MYO1D: variants seen among roughly 807,000 people sequenced by gnomAD.
The protein encoded by MYO1D is myosin ID.
MYO1D carries 83 observed loss-of-function variants against 122.0 expected under a neutral mutation model. That is an observed-to-expected ratio of 0.68 (90% CI 0.57 to 0.82). The LOEUF (loss-of-function observed/expected upper bound fraction) is 0.82. Among genes scored for constraint, MYO1D ranks in the 40% least tolerant of loss-of-function variants. The pLI, the probability that MYO1D is intolerant of heterozygous loss-of-function variation, is 0.00. For missense variants in MYO1D, 1,157 were observed against 1,269.5 expected, an observed-to-expected ratio of 0.91 and a Z score of 1.35; for synonymous variants, 464 against 446.9, an observed-to-expected ratio of 1.04 and a Z score of -0.48.
chr17:32,820,702 T>C (rs1442303575), intron 1 of MYO1D, among the ~76,000 whole-genome samples: 1 of 152,174 alleles, frequency 6.6e-6, no homozygotes, highest in East Asian at 1.9e-4. Context: ...GTAGAAACTT[T>C]CAGTTATAGA....
intron 1 of MYO1D, among the ~76,000 whole-genome samples, chr17:32,872,057 C>A (rs1054461620): frequency 8.5e-5 from 13 of 152,104 alleles, no homozygotes; most frequent in African/African-American, 2.9e-4. Context: ...AGAGGTCTTA[C>A]GCCTGAGCAG....
chr17:32,820,243 T>A (rs148919516), intron 1 of MYO1D, among the ~76,000 whole-genome samples: 1 of 152,348 alleles, frequency 6.6e-6, no homozygotes, highest in African/African-American at 2.4e-5. Context: ...AGCTACCATA[T>A]GACCCAGCAA....
At chr17:32,548,849 G>A (rs1341426738) in intron 21 of MYO1D, among the ~76,000 whole-genome samples, 1 of 151,574 alleles carries the variant, frequency 6.6e-6, no homozygotes, top group African/African-American at 2.4e-5. Context: ...AAGTAGCTGG[G>A]ATTACAGGTG....
At chr17:32,823,138 TAA>T (rs2090689550) in intron 1 of MYO1D, among the ~76,000 whole-genome samples, 1 of 152,132 alleles carries the variant, frequency 6.6e-6, no homozygotes. Flanking sequence ...GGGTTTCTAG[TAA>T]AGTTTTGCTT....
intron 13 of MYO1D, among the ~76,000 whole-genome samples, chr17:32,744,064 C>T (rs1432566859): frequency 6.6e-6 from 1 of 152,204 alleles, no homozygotes; most frequent in African/African-American, 2.4e-5. Flanking sequence ...CGCTTCCCTT[C>T]ATACTTTCTT....
chr17:32,837,008 T>C (rs1339624797), intron 1 of MYO1D, among the ~76,000 whole-genome samples: 1 of 152,152 alleles, frequency 6.6e-6, no homozygotes, highest in Non-Finnish European at 1.5e-5. Flanking sequence ...TTCCCAGCAA[T>C]GTGTAAGAGT....
In MYO1D at chr17:32,698,903, A is replaced by G. The variant is rs142011579; in HGVS notation, c.2121+13085T>C. On this transcript the variant is annotated intron_variant, in intron 16 of 21. Transcript: ENST00000318217. ...AATATAAGAACATATAAATAATATG[A>G]AATTGTTAATTTAGACAAACTAAAG... 3.9e-5 allele frequency among the ~76,000 whole-genome samples: 6 copies of G among 152,348 alleles called. No homozygotes were observed. In the East Asian group the frequency reaches 9.6e-4, roughly 24 times the overall value.
intron 21 of MYO1D, among the ~76,000 whole-genome samples, chr17:32,497,344 T>C (rs1383373869): frequency 2.0e-5 from 3 of 152,030 alleles, no homozygotes; most frequent in African/African-American, 7.2e-5. Context: ...GTAATCCTAG[T>C]TCCCTGGGAG....
At chr17:32,517,428 G>GT (rs1205917409) in intron 21 of MYO1D, among the ~76,000 whole-genome samples, 1 of 152,180 alleles carries the variant, frequency 6.6e-6, no homozygotes, top group Admixed American at 6.5e-5. Context: ...TTTGGTGAGT[G>GT]TGTCCCCACT....
intron 19 of MYO1D, among the ~76,000 whole-genome samples, chr17:32,651,842 A>AC (rs1197479141): frequency 6.6e-6 from 1 of 151,636 alleles, no homozygotes; most frequent in Non-Finnish European, 1.5e-5. Flanking sequence ...GACCCAGTTA[A>AC]TTTTTTTGTA....
At chr17:32,728,185 G>A (rs145201310) in intron 14 of MYO1D, among the ~76,000 whole-genome samples, 6 of 151,992 alleles carry the variant, frequency 3.9e-5, no homozygotes, top group Non-Finnish European at 7.4e-5. Context: ...TTGACCTAAT[G>A]GACTTGTATA....
Position 32,493,193 on chromosome 17 carries a change from T to A in MYO1D, c.*1566A>T, listed in dbSNP as rs1908949902. ...GGGCACCTCTGCCTGTGCAGGCAGCTGACCAGGCTTGGAGAATGAGAAAGG... is the reference window on the plus strand; with the variant it reads ...GGGCACCTCTGCCTGTGCAGGCAGCAGACCAGGCTTGGAGAATGAGAAAGG... On this transcript the variant is annotated 3_prime_UTR_variant, in exon 22 of 22. Coordinates refer to ENST00000318217, the MANE Select transcript of MYO1D (RefSeq NM_015194.3). The A allele has an allele frequency of 6.6e-6, 1 of 152,296 alleles. No homozygotes were observed. Among genetic ancestry groups the A allele is most frequent in the Non-Finnish European group, 1.5e-5 (1 of 68,060 alleles). 9.4% of individuals were successfully genotyped at this position (152,296 alleles called of 1,614,324 possible). A position where few individuals can be genotyped will look rare whatever the true frequency, so the allele number is the denominator to read the frequency against.
chr17:32,618,622 T>G (rs1390751546), intron 20 of MYO1D, among the ~76,000 whole-genome samples: 1 of 143,900 alleles, frequency 6.9e-6, no homozygotes, highest in Non-Finnish European at 1.5e-5. Context: ...CTGCCTCTGT[T>G]AATTAATTAA....
intron 1 of MYO1D, among the ~76,000 whole-genome samples, chr17:32,823,730 T>G (rs1339153199): frequency 6.6e-6 from 1 of 152,030 alleles, no homozygotes; most frequent in Non-Finnish European, 1.5e-5. Flanking sequence ...AAGGAAAACA[T>G]AAAGCCAGGC....
intron 8 of MYO1D, 134 bp from the exon 9 acceptor site, chr17:32,760,761 T>C (rs1170613559): frequency 1.1e-6 from 1 of 906,082 alleles, no homozygotes; most frequent in African/African-American, 1.7e-5. Flanking sequence ...GCAGAACAAA[T>C]GAAAATGTAG....
At chr17:32,708,133 AG>A (rs1176887681) in intron 16 of MYO1D, among the ~76,000 whole-genome samples, 1 of 152,218 alleles carries the variant, frequency 6.6e-6, no homozygotes, top group Non-Finnish European at 1.5e-5. Flanking sequence ...CTCTCGACAT[AG>A]GGGGTGAGAA....
intron 21 of MYO1D, among the ~76,000 whole-genome samples, chr17:32,516,922 C>T (rs1379103670): frequency 6.6e-6 from 1 of 152,218 alleles, no homozygotes; most frequent in Non-Finnish European, 1.5e-5. Context: ...GCCACTTCCA[C>T]CATCCTCTCC....
chr17:32,728,836 C>A (rs73281805), intron 14 of MYO1D, among the ~76,000 whole-genome samples: 6,224 of 152,154 alleles, frequency 0.041, 422 homozygotes, highest in African/African-American at 0.14. Flanking sequence ...GTTGAATGGA[C>A]TATTACCAGT....
intron 20 of MYO1D, among the ~76,000 whole-genome samples, chr17:32,620,526 G>A (rs2087841118): frequency 1.3e-5 from 2 of 152,054 alleles, no homozygotes; most frequent in South Asian, 4.1e-4. Context: ...TAGAAAGGAG[G>A]CAAAAAGAAA....
Sources: gnomAD v4.1 joint callset for allele counts (sites outside exome capture counted in the v4.1 genomes callset) on GRCh38, gnomAD v4.1.1 for gene constraint, MANE v1.5 for transcripts, NCBI Gene and HGNC (gene_info 2026-07-23, HGNC 2026-07-21) for gene names.